The following UGT3A1 variants were observed in gnomAD, a reference collection of about 807,000 sequenced individuals.
UGT3A1 encodes the protein UDP glycosyltransferase family 3 member A1, also known as UDP-glycosyltransferase 3A1.
In UGT3A1, 40 loss-of-function variants were observed where a neutral mutation model predicts 37.6. That is an observed-to-expected ratio of 1.06 (90% CI 0.83 to 1.38). The LOEUF is 1.38. Ranked by LOEUF, UGT3A1 falls within the 40% of genes most tolerant of loss-of-function variation. The pLI is 0.00. For missense variants in UGT3A1, 642 were observed against 634.2 expected (o/e 1.01, Z -0.13); for synonymous variants, 256 against 232.3 (o/e 1.10, Z -0.93).
intron 2 of UGT3A1, among the ~76,000 whole-genome samples, chr5:35,986,932 C>G (rs1028295618): frequency 2.0e-5 from 3 of 151,702 alleles, no homozygotes; most frequent in Non-Finnish European, 2.9e-5. Flanking sequence ...TCACATGCAC[C>G]CTGAAAATAT....
chr5:35,965,669 A>G lies in UGT3A1; in HGVS notation c.560T>C (p.Phe187Ser), dbSNP rs147751292. ...LPSPLSYVPV[F>S]PSLLTDHMDF... ...CATGTGATCAGTCAGCAAGGAAGGG[A>G]ATACTGGAACATAAGACAAGGGGCT... The change falls in exon 4 of 7, where the codon TTC (phenylalanine) becomes TCC (serine). Residue 187 changes from phenylalanine (F) to serine (S), a missense_variant. By Grantham distance (155) the Phe-to-Ser change is radical. Transcript: ENST00000274278. 14 of 1,614,090 alleles carry G rather than the reference A, an allele frequency of 8.7e-6. No homozygotes were observed. In the African/African-American group the frequency reaches 1.9e-4, roughly 22 times the overall value.
chr5:35,972,050 C>T (rs139513854), intron 2 of UGT3A1, among the ~76,000 whole-genome samples: 21 of 152,018 alleles, frequency 1.4e-4, no homozygotes, highest in East Asian at 3.9e-4. Context: ...CAGAGAGAAG[C>T]GCACCACCCT....
rs779081613 is a variant in UGT3A1 at position 35,968,122 on chromosome 5, C to T, written c.208G>A (p.Glu70Lys). 1.2e-6 allele frequency: 2 copies of T among 1,609,538 alleles called. No individual in the cohort carries two copies. Among genetic ancestry groups the T allele is most frequent in the South Asian group, 2.2e-5 (2 of 90,728 alleles). Residue 70 changes from glutamate (E) to lysine (K), a missense_variant, in exon 3 of 7, where the codon GAG becomes AAG. Coordinates refer to ENST00000274278, the MANE Select transcript of UGT3A1 (RefSeq NM_152404.4). ...GKFLIPDIKE[E>K]EKSYQVIRWF... Reference sequence around the variant, plus strand: ...CTGATAACTTGGTATGATTTTTCCTCCTCTTTAATATCTAAGAAAACACCA... The same window carrying T: ...CTGATAACTTGGTATGATTTTTCCTTCTCTTTAATATCTAAGAAAACACCA...
At position 35,954,168 on chromosome 5, in the gene UGT3A1, G is replaced by A. The variant is rs1739261832; in HGVS notation, c.*34C>T. On this transcript the variant is annotated 3_prime_UTR_variant, in exon 7 of 7. Coordinates refer to ENST00000274278, the MANE Select transcript of UGT3A1 (RefSeq NM_152404.4). Reference sequence around the variant, plus strand: ...TGGGGAGAACCTTCAAAGGACCAGGGATGCCCTCCCCTCACCCAAGGCTAC... The same window carrying A: ...TGGGGAGAACCTTCAAAGGACCAGGAATGCCCTCCCCTCACCCAAGGCTAC... The A allele has an allele frequency of 6.2e-7, 1 of 1,601,066 alleles. No individual in the cohort carries two copies. Among genetic ancestry groups the A allele is most frequent in the Non-Finnish European group, 8.5e-7 (1 of 1,172,724 alleles).
intron 2 of UGT3A1, among the ~76,000 whole-genome samples, chr5:35,977,104 G>A (rs113310020): frequency 1.2e-4 from 16 of 136,562 alleles, no homozygotes; most frequent in South Asian, 2.2e-4. Flanking sequence ...AAGAAAGAAA[G>A]AGAAAGAGAG....
intron 1 of UGT3A1, among the ~76,000 whole-genome samples, chr5:36,000,497 CA>C (rs1741194941): frequency 6.6e-6 from 1 of 152,160 alleles, no homozygotes; most frequent in South Asian, 2.1e-4. Context: ...CCATGTGCTG[CA>C]AAATTAGAGG....
intron 4 of UGT3A1, among the ~76,000 whole-genome samples, chr5:35,959,797 T>C (rs935987696): frequency 6.6e-6 from 1 of 151,526 alleles, no homozygotes; most frequent in Non-Finnish European, 1.5e-5. Context: ...AAAAATAACA[T>C]ACACACACAC....
chr5:35,979,318 C>A (rs1740425270), intron 2 of UGT3A1, among the ~76,000 whole-genome samples: 1 of 152,218 alleles, frequency 6.6e-6, no homozygotes, highest in Middle Eastern at 3.4e-3. Context: ...AACTTTTATA[C>A]TCTGCTTCCC....
intron 1 of UGT3A1, among the ~76,000 whole-genome samples, chr5:35,999,470 G>T (rs938018946): frequency 2.2e-4 from 34 of 152,078 alleles, no homozygotes; most frequent in African/African-American, 7.2e-4. Flanking sequence ...GAAACTGAGA[G>T]CACAGCTCCA....
chr5:35,958,212 A>T (rs1739434954), intron 4 of UGT3A1, among the ~76,000 whole-genome samples: 1 of 152,300 alleles, frequency 6.6e-6, no homozygotes, highest in South Asian at 2.1e-4. Context: ...TTTGACATAT[A>T]GTCTATTTTG....
chr5:35,991,256 A>G lies in UGT3A1; in HGVS notation c.-16T>C. On this transcript the variant is annotated 5_prime_UTR_variant, in exon 1 of 7. Transcript: ENST00000274278. The stretch of plus-strand genomic sequence containing the variant: ...GCCCAACCATGCTCACTTCCACAGA[A>G]GCAGCGGATCTCAGCCTGGGCTGCG... The G allele has an allele frequency of 6.2e-7, 1 of 1,614,162 alleles. No individual in the cohort carries two copies. The highest frequency in any genetic ancestry group is 8.5e-7 in the Non-Finnish European group (1 of 1,179,996).
Position 35,982,873 on chromosome 5 carries a change from T to C in UGT3A1, c.196+5577A>G, listed in dbSNP as rs1006282228. On this transcript the variant is annotated intron_variant, in intron 2 of 6. Transcript: ENST00000274278. Reference sequence around the variant, plus strand: ...GAGGTGATTGGATCATGTGTGCAGATTTCCCCTTGCTCTTCTTTTGACAGT... The same window carrying C: ...GAGGTGATTGGATCATGTGTGCAGACTTCCCCTTGCTCTTCTTTTGACAGT... Among the ~76,000 whole-genome samples, 3 of 152,140 alleles carry C rather than the reference T, an allele frequency of 2.0e-5. No individual in the cohort carries two copies. The South Asian group carries it at 6.2e-4, about 32-fold the overall frequency.
intron 2 of UGT3A1, among the ~76,000 whole-genome samples, chr5:35,969,910 C>T (rs1343144924): frequency 6.6e-6 from 1 of 152,090 alleles, no homozygotes; most frequent in African/African-American, 2.4e-5. Context: ...TTTCATGCTG[C>T]TGATAAAGAC....
chr5:35,973,447 C>T (rs1284824598), intron 2 of UGT3A1, among the ~76,000 whole-genome samples: 2 of 152,066 alleles, frequency 1.3e-5, no homozygotes, highest in Non-Finnish European at 2.9e-5. Context: ...CTTGATTCAT[C>T]GTTGTAGCCC....
chr5:35,995,068 A>T (rs183219354), upstream of UGT3A1, among the ~76,000 whole-genome samples: 2 of 152,288 alleles, frequency 1.3e-5, no homozygotes, highest in Non-Finnish European at 2.9e-5. Context: ...AGCAAAAGGG[A>T]GGAAGACTGA....
In UGT3A1 at chr5:35,965,623, C is replaced by T. The variant is rs746903275; in HGVS notation, c.606G>A (p.Lys202=). 1 of 1,614,176 alleles carries T rather than the reference C, an allele frequency of 6.2e-7. No homozygotes were observed. The highest frequency in any genetic ancestry group is 8.5e-7 in the Non-Finnish European group (1 of 1,180,048). ...AGAAACTAAAGAACATCAGAAAATT[C>T]TTCACTCGGCCCCAGAAGTCCATGT... ...TDHMDFWGRV[K]NFLMFFSFSR... is the part of the protein sequence containing the mutation. The change falls in exon 4 of 7, where the codon AAG becomes AAA. Residue 202 remains lysine (K), a synonymous_variant. Transcript: ENST00000274278.
chr5:35,964,193 T>C (rs1739704632), intron 4 of UGT3A1, among the ~76,000 whole-genome samples: 1 of 152,062 alleles, frequency 6.6e-6, no homozygotes, highest in African/African-American at 2.4e-5. Context: ...TATCTCATAA[T>C]CTCAACTCCC....
At chr5:35,955,603 T>G in intron 6 of UGT3A1, 42 bp downstream of exon 6, 5 of 1,606,506 alleles carry the variant, frequency 3.1e-6, no homozygotes. Flanking sequence ...GTTTTCTATC[T>G]TCATTCAGCC....
At chr5:35,959,646 A>T (rs957143119) in intron 4 of UGT3A1, among the ~76,000 whole-genome samples, 1 of 152,198 alleles carries the variant, frequency 6.6e-6, no homozygotes, top group African/African-American at 2.4e-5. Flanking sequence ...AGAAAAAGAA[A>T]AAAAGAATGA....
Sources: gnomAD v4.1 joint callset for allele counts (sites outside exome capture counted in the v4.1 genomes callset) on GRCh38, gnomAD v4.1.1 for gene constraint, MANE v1.5 for transcripts, NCBI Gene and HGNC (gene_info 2026-07-23, HGNC 2026-07-21) for gene names.